The following TEAD1 variants were observed in gnomAD, a reference collection of about 807,000 sequenced individuals.
TEAD1 encodes the protein transcriptional enhancer factor TEF-1.
Under a neutral mutation model 54.9 loss-of-function variants are expected in TEAD1, and 9 were observed. That is an observed-to-expected ratio of 0.16 (90% CI 0.10 to 0.29). The LOEUF (loss-of-function observed/expected upper bound fraction) is 0.29. Ranked by LOEUF, TEAD1 falls within the 10% of genes least tolerant of loss-of-function variation. The pLI, the probability that TEAD1 is intolerant of heterozygous loss-of-function variation, is 1.00. For synonymous variants in TEAD1, 200 were observed against 187.8 expected, an observed-to-expected ratio of 1.07 and a Z score of -0.53; for missense variants, 387 against 535.9, an observed-to-expected ratio of 0.72 and a Z score of 2.74.
chr11:12,769,730 C>G (rs1945277947), intron 3 of TEAD1, among the ~76,000 whole-genome samples: 1 of 152,102 alleles, frequency 6.6e-6, no homozygotes, highest in Non-Finnish European at 1.5e-5. Context: ...ACCTCTGATT[C>G]AGGGTGTTAT....
In TEAD1 at chr11:12,892,415, G is replaced by GT. The variant is rs1053844467; in HGVS notation, c.699+9291dup. Among the ~76,000 whole-genome samples, 6 of 152,238 alleles carry GT rather than the reference G, an allele frequency of 3.9e-5. 1 individual carries two copies. Among genetic ancestry groups the GT allele is most frequent in the African/African-American group, 1.4e-4 (6 of 41,536 alleles). ...AGCACTTTGGGAGGCCAAGCAAGGC[G>GT]TGTGGGTCACCTGAGGTCAGGCATT... On this transcript the variant is annotated intron_variant, in intron 9 of 12. Transcript: ENST00000527636.
chr11:12,707,724 C>G (rs1436740062), intron 2 of TEAD1, among the ~76,000 whole-genome samples: 1 of 152,130 alleles, frequency 6.6e-6, no homozygotes, highest in Non-Finnish European at 1.5e-5. Flanking sequence ...AATTGCCTTT[C>G]TTTTTTTGGA....
At position 12,879,646 on chromosome 11, in the gene TEAD1, G is replaced by A. The variant is rs562394444; in HGVS notation, c.331-62G>A. 6.7e-5 allele frequency: 108 copies of A among 1,611,448 alleles called. No homozygotes were observed. The African/African-American group carries it at 1.2e-3, about 19-fold the overall frequency. On this transcript the variant is annotated intron_variant, in intron 5 of 12. Transcript: ENST00000527636. ...AGTCCATGTGCTCGTGGCTGTGCCT[G>A]TGTAACCTGCCTGGTAGCCATGCGT...
intron 5 of TEAD1, among the ~76,000 whole-genome samples, chr11:12,872,930 G>A (rs1438418578): frequency 6.6e-6 from 1 of 152,142 alleles, no homozygotes; most frequent in Non-Finnish European, 1.5e-5. Flanking sequence ...CTGAACAAAA[G>A]TGTTTTTATC....
intron 11 of TEAD1, among the ~76,000 whole-genome samples, chr11:12,929,258 T>C (rs1948968317): frequency 6.6e-6 from 1 of 151,934 alleles, no homozygotes; most frequent in South Asian, 2.1e-4. Context: ...GTACTGTAAT[T>C]GTGGTTTTGC....
intron 3 of TEAD1, among the ~76,000 whole-genome samples, chr11:12,841,295 G>GCTGT (rs1947035666): frequency 6.6e-6 from 1 of 152,136 alleles, no homozygotes; most frequent in Non-Finnish European, 1.5e-5. Context: ...GGTCTTCTTA[G>GCTGT]CTGTCCCCAC....
At chr11:12,691,329 G>T (rs1264440751) in intron 2 of TEAD1, among the ~76,000 whole-genome samples, 1 of 152,090 alleles carries the variant, frequency 6.6e-6, no homozygotes, top group South Asian at 2.1e-4. Context: ...CCAACCTCTT[G>T]TGTATTCTGG....
chr11:12,827,436 A>C (rs1319144922), intron 3 of TEAD1, among the ~76,000 whole-genome samples: 1 of 152,230 alleles, frequency 6.6e-6, no homozygotes, highest in African/African-American at 2.4e-5. Context: ...CATTCTGTCA[A>C]CAACCCTAGG....
At chr11:12,857,806 C>T (rs1388619629) in intron 3 of TEAD1, among the ~76,000 whole-genome samples, 1 of 151,994 alleles carries the variant, frequency 6.6e-6, no homozygotes, top group Non-Finnish European at 1.5e-5. Context: ...TACATAGGGG[C>T]CAGTGCGGTG....
intron 3 of TEAD1, among the ~76,000 whole-genome samples, chr11:12,822,005 C>T (rs1398461445): frequency 6.7e-5 from 7 of 104,216 alleles, no homozygotes; most frequent in African/African-American, 2.7e-4. Flanking sequence ...TCTCTGTCAC[C>T]CAGGCTGGAG....
chr11:12,856,197 C>T (rs938673517), intron 3 of TEAD1, among the ~76,000 whole-genome samples: 3 of 150,652 alleles, frequency 2.0e-5, no homozygotes, highest in Non-Finnish European at 4.4e-5. Context: ...GATGTAGGAG[C>T]CTCTTTTCTG....
intron 12 of TEAD1, among the ~76,000 whole-genome samples, chr11:12,934,377 G>C (rs1031950220): frequency 2.0e-5 from 3 of 152,030 alleles, no homozygotes; most frequent in Non-Finnish European, 4.4e-5. Context: ...ATCACACACC[G>C]GGGCCTGTTG....
intron 3 of TEAD1, among the ~76,000 whole-genome samples, chr11:12,833,030 C>T (rs1946813914): frequency 6.6e-6 from 1 of 152,210 alleles, no homozygotes; most frequent in African/African-American, 2.4e-5. Flanking sequence ...TCCTTCAAGA[C>T]ATATTGCAAC....
At chr11:12,777,374 C>G (rs1295394944) in intron 3 of TEAD1, among the ~76,000 whole-genome samples, 2 of 152,226 alleles carry the variant, frequency 1.3e-5, no homozygotes, top group Non-Finnish European at 2.9e-5. Flanking sequence ...TGCCTACCCT[C>G]TTCCCTGGGT....
At chr11:12,704,647 C>T (rs73421952) in intron 2 of TEAD1, among the ~76,000 whole-genome samples, 7,895 of 152,242 alleles carry the variant, frequency 0.052, 731 homozygotes, top group African/African-American at 0.18. Flanking sequence ...TTGTCGTCTG[C>T]GTGTTGGATT....
intron 3 of TEAD1, chr11:12,849,470 C>A (rs1947224119): frequency 6.6e-6 from 1 of 152,210 alleles, no homozygotes; most frequent in Admixed American, 6.5e-5. Context: ...TCCTTCTCAT[C>A]ATGCTTTTCA....
intron 9 of TEAD1, among the ~76,000 whole-genome samples, chr11:12,900,083 C>G (rs1301796588): frequency 1.3e-5 from 2 of 152,186 alleles, no homozygotes; most frequent in African/African-American, 4.8e-5. Flanking sequence ...TTTTAAGAGA[C>G]AAGGTCTTAC....
At chr11:12,721,118 G>A (rs1244828330) in intron 2 of TEAD1, among the ~76,000 whole-genome samples, 1 of 152,230 alleles carries the variant, frequency 6.6e-6, no homozygotes, top group South Asian at 2.1e-4. Flanking sequence ...ACTGCCTGGT[G>A]TATTGGACAA....
At chr11:12,882,070 T>G (rs1341495058) in intron 8 of TEAD1, 113 bp downstream of exon 8, 1 of 1,147,768 alleles carries the variant, frequency 8.7e-7, no homozygotes, top group Non-Finnish European at 1.3e-6. Context: ...AGCCGCACAT[T>G]GCCCCTGACT....
Sources: allele counts gnomAD v4.1 joint callset (sites outside exome capture counted in the v4.1 genomes callset), GRCh38; gene constraint gnomAD v4.1.1; transcripts MANE v1.5; gene names NCBI Gene and HGNC (gene_info 2026-07-23, HGNC 2026-07-21).